MMP26: variants seen among roughly 807,000 people sequenced by gnomAD.
The protein encoded by MMP26 is matrix metalloproteinase-26.
In MMP26, 33 loss-of-function variants were observed where a neutral mutation model predicts 31.0. The observed-to-expected ratio is 1.06, with a 90% CI of 0.81 to 1.42. The LOEUF (loss-of-function observed/expected upper bound fraction) is 1.42. Ranked by LOEUF, MMP26 falls within the 40% of genes most tolerant of loss-of-function variation. The pLI is 0.00. For synonymous variants in MMP26, 122 were observed against 114.9 expected (o/e 1.06, Z -0.40); for missense variants, 347 against 316.1 (o/e 1.10, Z -0.74).
chr11:4,912,112 G>T (rs1851000520), intron 2 of MMP26, among the ~76,000 whole-genome samples: 1 of 151,954 alleles, frequency 6.6e-6, no homozygotes, highest in African/African-American at 2.4e-5. Flanking sequence ...TTTTATGTTA[G>T]GAATTAAAGT....
At chr11:4,819,290 G>C (rs1310595548) in intron 2 of MMP26, among the ~76,000 whole-genome samples, 1 of 152,122 alleles carries the variant, frequency 6.6e-6, no homozygotes, top group Non-Finnish European at 1.5e-5. Flanking sequence ...GAAATATGAG[G>C]CTGTGAAAAT....
intron 2 of MMP26, among the ~76,000 whole-genome samples, chr11:4,959,540 A>G (rs1021259561): frequency 1.3e-5 from 2 of 152,046 alleles, no homozygotes; most frequent in Non-Finnish European, 2.9e-5. Context: ...CACTCCCCCT[A>G]CTTAAGTCCT....
chr11:4,979,526 A>G (rs1415072133), intron 2 of MMP26, among the ~76,000 whole-genome samples: 1 of 152,108 alleles, frequency 6.6e-6, no homozygotes, highest in Non-Finnish European at 1.5e-5. Flanking sequence ...CCTTAGTTTA[A>G]TGAGTCAGAG....
chr11:4,949,994 C>G (rs72858202), intron 2 of MMP26, among the ~76,000 whole-genome samples: 1 of 121,962 alleles, frequency 8.2e-6, no homozygotes, highest in Non-Finnish European at 1.9e-5. Context: ...TTAGAATCAC[C>G]CAGGGAGCTC....
chr11:4,795,731 G>A (rs1849097762), intron 2 of MMP26, among the ~76,000 whole-genome samples: 2 of 152,104 alleles, frequency 1.3e-5, no homozygotes, highest in South Asian at 2.1e-4. Flanking sequence ...ATGCCTGTGG[G>A]CAGGTCTAAA....
At chr11:4,764,460 G>C (rs1199916317) in intron 1 of MMP26, among the ~76,000 whole-genome samples, 1 of 152,176 alleles carries the variant, frequency 6.6e-6, no homozygotes, top group Non-Finnish European at 1.5e-5. Context: ...CACATGACTT[G>C]ATTGGTTAAT....
intron 2 of MMP26, chr11:4,882,280 T>C: frequency 6.2e-7 from 1 of 1,613,978 alleles, no homozygotes. Flanking sequence ...GCTTCGTGGC[T>C]ATCTGTAACC....
intron 2 of MMP26, among the ~76,000 whole-genome samples, chr11:4,986,262 C>T (rs1017276923): frequency 6.6e-6 from 1 of 152,080 alleles, no homozygotes; most frequent in African/African-American, 2.4e-5. Flanking sequence ...GTTTAAAACA[C>T]AGAATTGCCT....
intron 2 of MMP26, among the ~76,000 whole-genome samples, chr11:4,808,387 T>C (rs1004789002): frequency 6.6e-6 from 1 of 152,000 alleles, no homozygotes; most frequent in African/African-American, 2.4e-5. Context: ...TAGAGGAAGA[T>C]CTGAACTTGG....
At chr11:4,749,642 A>C (rs1040946799) in intron 1 of MMP26, among the ~76,000 whole-genome samples, 8 of 152,126 alleles carry the variant, frequency 5.3e-5, no homozygotes, top group Non-Finnish European at 1.0e-4. Flanking sequence ...CAGCCGGCTG[A>C]TCTGTGACAG....
At chr11:4,920,362 C>G (rs1011802229) in intron 2 of MMP26, among the ~76,000 whole-genome samples, 1 of 152,128 alleles carries the variant, frequency 6.6e-6, no homozygotes, top group Non-Finnish European at 1.5e-5. Context: ...TCCTTTCATA[C>G]TGTTTCCACA....
intron 2 of MMP26, chr11:4,882,789 A>G (rs778772863): frequency 6.2e-7 from 1 of 1,613,880 alleles, no homozygotes; most frequent in Non-Finnish European, 8.5e-7. Context: ...TACAGCTTGA[A>G]GACCAAGACA....
chr11:4,831,068 A>C (rs1290449619), intron 2 of MMP26, among the ~76,000 whole-genome samples: 1 of 152,160 alleles, frequency 6.6e-6, no homozygotes, highest in African/African-American at 2.4e-5. Context: ...AGGTCCTTAA[A>C]AAATTTTGCA....
At chr11:4,894,616 G>C (rs1564801950) in intron 2 of MMP26, among the ~76,000 whole-genome samples, 1 of 151,992 alleles carries the variant, frequency 6.6e-6, no homozygotes, top group Non-Finnish European at 1.5e-5. Context: ...CAAGTAAGAG[G>C]AAAAAATGTC....
chr11:4,919,518 G>T (rs1851150420), intron 2 of MMP26, among the ~76,000 whole-genome samples: 1 of 152,284 alleles, frequency 6.6e-6, no homozygotes, highest in South Asian at 2.1e-4. Flanking sequence ...GGGGCAAGGA[G>T]ACTGGTCTTG....
At chr11:4,751,297 G>C (rs1589890631) in intron 1 of MMP26, among the ~76,000 whole-genome samples, 2 of 152,226 alleles carry the variant, frequency 1.3e-5, no homozygotes, top group East Asian at 3.9e-4. Context: ...TCTTGTGAAA[G>C]CTATAATAAT....
intron 2 of MMP26, among the ~76,000 whole-genome samples, chr11:4,812,681 T>C (rs1182534869): frequency 2.0e-5 from 3 of 152,154 alleles, no homozygotes; most frequent in Non-Finnish European, 4.4e-5. Flanking sequence ...AAGATACGCA[T>C]AGAGTAGAGG....
At position 4,991,988 on chromosome 11, in the gene MMP26, C is replaced by T; in HGVS notation, c.620C>T (p.Thr207Ile). Residue 207 changes from threonine (T) to isoleucine (I), a missense_variant, in exon 7 of 8, where the codon ACT (threonine) becomes ATT (isoleucine). Coordinates refer to ENST00000380390, the MANE Select transcript of MMP26 (RefSeq NM_021801.5). ...DTGYNLFLVA[T>I]HEIGHSLGLQ... ...GGATATAATCTGTTCCTGGTTGCAA[C>T]TCATGAGATTGGGCATTCTTTGGGC... is the stretch of plus-strand genomic sequence containing the variant. 6.2e-7 allele frequency: 1 copy of T among 1,607,610 alleles called. No homozygotes were observed. The highest frequency in any genetic ancestry group is 8.5e-7 in the Non-Finnish European group (1 of 1,178,398).
chr11:4,706,448 G>T (rs569075923), intron 1 of MMP26, among the ~76,000 whole-genome samples: 1 of 151,708 alleles, frequency 6.6e-6, no homozygotes, highest in African/African-American at 2.4e-5. Flanking sequence ...TGTAGTCTCA[G>T]CTACTTTACA....
Sources: gnomAD v4.1 joint callset for allele counts (sites outside exome capture counted in the v4.1 genomes callset) on GRCh38, gnomAD v4.1.1 for gene constraint, MANE v1.5 for transcripts, NCBI Gene and HGNC (gene_info 2026-07-23, HGNC 2026-07-21) for gene names.